The following GPHN variants were observed in gnomAD, a reference collection of about 807,000 sequenced individuals.
GPHN encodes gephyrin.
Under a neutral mutation model 95.5 loss-of-function variants are expected in GPHN, and 17 were observed. That is an observed-to-expected ratio of 0.18 (90% confidence interval 0.12 to 0.27). GPHN has a LOEUF of 0.27. Among genes scored for constraint, GPHN ranks in the 10% least tolerant of loss-of-function variants. GPHN has a pLI of 1.00. For synonymous variants in GPHN, 320 were observed against 322.5 expected (o/e 0.99, Z 0.08); for missense variants, 660 against 978.1 (o/e 0.67, Z 4.34).
At chr14:66,932,475 TTTTTTC>T (rs2066876642) in intron 8 of GPHN, among the ~76,000 whole-genome samples, 3 of 140,226 alleles carry the variant, frequency 2.1e-5, no homozygotes, top group Admixed American at 7.2e-5. Context: ...TTTTTTTTTT[TTTTTTC>T]AGTGCAGCAG....
At chr14:66,532,166 A>G (rs1294772572) in intron 1 of GPHN, among the ~76,000 whole-genome samples, 1 of 152,240 alleles carries the variant, frequency 6.6e-6, no homozygotes, top group African/African-American at 2.4e-5. Context: ...AAAACATCAC[A>G]AAATTTAGTT....
the GPHN span, among the ~76,000 whole-genome samples, chr14:67,671,097 C>T: frequency 6.6e-6 from 1 of 152,202 alleles, no homozygotes; most frequent in East Asian, 1.9e-4. Context: ...TCAATTTATT[C>T]AACAAACATT....
At chr14:66,674,899 T>G (rs1409771184) in intron 1 of GPHN, among the ~76,000 whole-genome samples, 2 of 152,210 alleles carry the variant, frequency 1.3e-5, no homozygotes, top group Non-Finnish European at 2.9e-5. Flanking sequence ...CTCCATACTG[T>G]TTTTCATAAT....
the GPHN span, chr14:67,562,271 G>A: frequency 6.2e-7 from 1 of 1,613,600 alleles, no homozygotes; most frequent in South Asian, 1.1e-5. Flanking sequence ...TCTGAAGGCA[G>A]CTGTGCTTGC....
At chr14:66,831,855 A>T (rs903620030) in intron 4 of GPHN, among the ~76,000 whole-genome samples, 48 of 152,184 alleles carry the variant, frequency 3.2e-4, no homozygotes, top group African/African-American at 1.2e-3. Flanking sequence ...TCTTCAAAAC[A>T]ACCATATGAG....
the GPHN span, among the ~76,000 whole-genome samples, chr14:67,331,645 G>C: frequency 6.6e-6 from 1 of 152,084 alleles, no homozygotes; most frequent in Non-Finnish European, 1.5e-5. Context: ...CTTCAGACAT[G>C]AAGTACTAAA....
chr14:67,592,774 T>C, the GPHN span: 1 of 1,066,932 alleles, frequency 9.4e-7, no homozygotes, highest in Non-Finnish European at 1.4e-6. Flanking sequence ...TTGCATTCTT[T>C]TTTTCTTTTT....
the GPHN span, among the ~76,000 whole-genome samples, chr14:67,416,455 G>T: frequency 6.6e-6 from 1 of 152,202 alleles, no homozygotes; most frequent in Non-Finnish European, 1.5e-5. Flanking sequence ...GCAGCCAGGA[G>T]AGCACCCTGA....
In GPHN at chr14:67,122,375, C is replaced by A. The variant is rs1179507932; in HGVS notation, c.1746C>A (p.Asp582Glu). 6.2e-7 allele frequency: 1 copy of A among 1,612,662 alleles called. No individual in the cohort carries two copies. Among genetic ancestry groups the A allele is most frequent in the South Asian group, 1.1e-5 (1 of 91,038 alleles). The change falls in exon 17 of 23, where the codon GAC becomes GAA. Residue 582 changes from aspartate to glutamate, a missense_variant and splice_region_variant. Physicochemically the swap from Asp to Glu is conservative, Grantham distance 45. Transcript: ENST00000478722. ...YPTINLGIVGDNPDDLLNALN... is the reference protein window; with the variant it reads ...YPTINLGIVGENPDDLLNALN... Reference sequence around the variant, plus strand: ...CGATCAACTTGGGTATTGTAGGAGACAAGTAAGTATTTGATGTCATTCTGA... The same window carrying A: ...CGATCAACTTGGGTATTGTAGGAGAAAAGTAAGTATTTGATGTCATTCTGA...
intron 10 of GPHN, among the ~76,000 whole-genome samples, chr14:67,049,931 G>A (rs1385447229): frequency 1.3e-5 from 2 of 152,128 alleles, no homozygotes; most frequent in East Asian, 1.9e-4. Context: ...ACACACGCAC[G>A]CACACACATG....
At chr14:66,830,309 A>C (rs1340524138) in intron 4 of GPHN, among the ~76,000 whole-genome samples, 1 of 152,038 alleles carries the variant, frequency 6.6e-6, no homozygotes, top group African/African-American at 2.4e-5. Context: ...CTTTTTTGCC[A>C]TATTGAAGTG....
At chr14:67,132,966 A>G (rs891555997) in intron 17 of GPHN, among the ~76,000 whole-genome samples, 22 of 151,880 alleles carry the variant, frequency 1.4e-4, no homozygotes, top group African/African-American at 5.1e-4. Context: ...TTTTTCACTG[A>G]TGAGTTTTCT....
At chr14:67,703,617 G>T in the GPHN span, among the ~76,000 whole-genome samples, 6 of 152,252 alleles carry the variant, frequency 3.9e-5, no homozygotes, top group South Asian at 1.2e-3. Context: ...ATTATTTTAA[G>T]ATGTGCACAA....
At chr14:67,611,177 G>T in the GPHN span, 1 of 152,418 alleles carries the variant, frequency 6.6e-6, no homozygotes, top group Non-Finnish European at 1.5e-5. Flanking sequence ...TCATGTAAAC[G>T]TGTATGCTGT....
intron 7 of GPHN, among the ~76,000 whole-genome samples, chr14:66,923,275 T>A (rs2066310907): frequency 6.6e-6 from 1 of 152,054 alleles, no homozygotes; most frequent in Non-Finnish European, 1.5e-5. Flanking sequence ...ATTCAAAGTA[T>A]CAAAATGTCA....
At chr14:66,660,980 C>T (rs2065609455) in intron 1 of GPHN, among the ~76,000 whole-genome samples, 1 of 152,174 alleles carries the variant, frequency 6.6e-6, no homozygotes, top group Non-Finnish European at 1.5e-5. Context: ...CGGTCTGACA[C>T]ACAGAACTGT....
chr14:66,665,713 C>A (rs922472710), intron 1 of GPHN, among the ~76,000 whole-genome samples: 1 of 152,132 alleles, frequency 6.6e-6, no homozygotes, highest in African/African-American at 2.4e-5. Context: ...GGATCTAGAA[C>A]TAGAAATACC....
chr14:67,652,998 C>T, the GPHN span, among the ~76,000 whole-genome samples: 2 of 152,108 alleles, frequency 1.3e-5, no homozygotes, highest in Admixed American at 6.5e-5. Context: ...ACCATTTGAG[C>T]CAGACTGGTC....
At chr14:67,394,697 A>T in the GPHN span, among the ~76,000 whole-genome samples, 1 of 152,180 alleles carries the variant, frequency 6.6e-6, no homozygotes, top group Non-Finnish European at 1.5e-5. Context: ...TGTGGTTTGA[A>T]TGTTTATCCC....
Sources: allele counts gnomAD v4.1 joint callset (sites outside exome capture counted in the v4.1 genomes callset), GRCh38; gene constraint gnomAD v4.1.1; transcripts MANE v1.5; gene names NCBI Gene and HGNC (gene_info 2026-07-23, HGNC 2026-07-21).